Variants in C1orf141 observed in about 807,000 individuals in gnomAD.
C1orf141 encodes uncharacterized protein C1orf141.
In C1orf141, 19 loss-of-function variants were observed where a neutral mutation model predicts 23.2. The ratio of observed to expected loss-of-function variants is 0.82; its 90% CI spans 0.57 to 1.20. The LOEUF (loss-of-function observed/expected upper bound fraction) is 1.20. C1orf141 is among the 50% of genes most tolerant of loss of function. The probability of loss-of-function intolerance (pLI) is 0.00; values close to 1 mark genes in which losing one functional copy is unlikely to be tolerated. For synonymous variants in C1orf141, 153 were observed against 154.6 expected (o/e 0.99, Z 0.08); for missense variants, 469 against 455.1 (o/e 1.03, Z -0.28).
upstream of C1orf141, among the ~76,000 whole-genome samples, chr1:67,136,101 T>C (rs1036580289): frequency 2.0e-5 from 3 of 152,166 alleles, no homozygotes; most frequent in Non-Finnish European, 4.4e-5. Context: ...GGTGTGATCA[T>C]AGCCCACTGC....
rs189659233 is a variant in C1orf141, at chr1:67,096,278, A to T, written c.390T>A (p.Gly130=). Residue 130 remains glycine, a synonymous_variant, in exon 6 of 8, where the codon GGT becomes GGA. Transcript: ENST00000684719. ...TTTTATTTCTATCACCTTCTAAGAG[A>T]CCAACAGAATCCAATGGTTTCCTAG... ...KKPRKPLDSV[G]LLEGDRNKRK... 2.0e-6 allele frequency: 3 copies of T among 1,530,352 alleles called. No individual in the cohort carries two copies. Among genetic ancestry groups the T allele is most frequent in the Middle Eastern group, 1.7e-4 (1 of 5,866 alleles). 94.8% of individuals were successfully genotyped at this position (1,530,352 alleles called of 1,614,324 possible).
At chr1:67,098,688 G>A (rs938552701) in intron 5 of C1orf141, among the ~76,000 whole-genome samples, 3 of 152,056 alleles carry the variant, frequency 2.0e-5, no homozygotes, top group Admixed American at 2.0e-4. Context: ...ATTAGCATGC[G>A]TCATAGTTTA....
intron 1 of C1orf141, among the ~76,000 whole-genome samples, chr1:67,132,317 G>A (rs991682947): frequency 1.3e-5 from 2 of 151,934 alleles, no homozygotes; most frequent in Admixed American, 6.5e-5. Context: ...GTCAGGAGTC[G>A]AGACCTGCCT....
rs147580530 is a variant in C1orf141 at position 67,107,686 on chromosome 1, C to T, written c.346+7666G>A. Among the ~76,000 whole-genome samples, 963 of 152,180 alleles carry T rather than the reference C, an allele frequency of 6.3e-3. 6 individuals are homozygous for T. Among genetic ancestry groups the T allele is most frequent in the Non-Finnish European group, 9.1e-3 (619 of 67,994 alleles). ...AGTGGATCACCTGAGGTGGGGAGTT[C>T]GAGACCAGCCTGACCAACGTGGAGA... On this transcript the variant is annotated intron_variant, in intron 5 of 7. Transcript: ENST00000684719.
At chr1:67,098,263 A>G (rs1041697941) in intron 5 of C1orf141, among the ~76,000 whole-genome samples, 3 of 152,180 alleles carry the variant, frequency 2.0e-5, no homozygotes, top group Admixed American at 2.0e-4. Flanking sequence ...GCTCACACCT[A>G]TAATCCCAGC....
chr1:67,120,084 A>G (rs1055622650), intron 4 of C1orf141, among the ~76,000 whole-genome samples: 1 of 152,218 alleles, frequency 6.6e-6, no homozygotes, highest in African/African-American at 2.4e-5. Flanking sequence ...CAGAGCTTTG[A>G]ACCAAAGAGG....
intron 1 of C1orf141, among the ~76,000 whole-genome samples, chr1:67,134,560 C>T (rs938051625): frequency 3.9e-5 from 6 of 152,216 alleles, no homozygotes; most frequent in African/African-American, 1.4e-4. Flanking sequence ...CCCGAGTCAC[C>T]TTCCCCCAGG....
intron 6 of C1orf141, 66 bp downstream of exon 6, chr1:67,096,186 T>C (rs1645676140): frequency 2.6e-6 from 2 of 777,882 alleles, no homozygotes; most frequent in Admixed American, 2.9e-5. Flanking sequence ...CTGTCAATTA[T>C]AAAATGTGTC....
At chr1:67,111,512 A>C in intron 5 of C1orf141, 4 of 592,058 alleles carry the variant, frequency 6.8e-6, no homozygotes, top group Non-Finnish European at 1.1e-5. Flanking sequence ...AGGAGCATAT[A>C]TAAAATTATT....
upstream of C1orf141, among the ~76,000 whole-genome samples, chr1:67,137,272 T>G: frequency 6.6e-6 from 1 of 152,126 alleles, no homozygotes; most frequent in East Asian, 1.9e-4. Context: ...CAGGGAAAGG[T>G]TACAGATTAC....
chr1:67,113,782 G>A (rs781637148), intron 5 of C1orf141: 3 of 1,100,988 alleles, frequency 2.7e-6, no homozygotes, highest in African/African-American at 1.6e-5. Flanking sequence ...AAAGAAAATG[G>A]ATTAGAGATT....
intron 5 of C1orf141, among the ~76,000 whole-genome samples, chr1:67,104,200 A>T (rs1002657969): frequency 1.3e-5 from 2 of 152,142 alleles, no homozygotes; most frequent in African/African-American, 4.8e-5. Flanking sequence ...GGAAGAGTTT[A>T]AAAAGGGAGG....
intron 1 of C1orf141, among the ~76,000 whole-genome samples, chr1:67,134,253 C>T (rs1024080924): frequency 6.6e-6 from 1 of 152,228 alleles, no homozygotes; most frequent in Non-Finnish European, 1.5e-5. Context: ...ATCCGCCCGC[C>T]TTGGCCTCCC....
In C1orf141 at chr1:67,092,697, A is replaced by G. The variant is rs190436620; in HGVS notation, c.*308T>C. ...AACAGCGCATTTCCAGAGTCAGACT[A>G]TGCCTTTCTTGGTCCTGAATCAGAG... On this transcript the variant is annotated 3_prime_UTR_variant, in exon 8 of 8. Coordinates refer to ENST00000684719, the MANE Select transcript of C1orf141 (RefSeq NM_001276351.2). 1.2e-4 allele frequency: 19 copies of G among 158,604 alleles called. No individual in the cohort carries two copies. In the East Asian group the frequency reaches 2.5e-3, roughly 21 times the overall value. The allele number at this position is 158,604 out of a possible 1,614,324, so 9.8% of individuals were successfully genotyped here.
At chr1:67,124,668 C>G (rs1452226882) in intron 4 of C1orf141, among the ~76,000 whole-genome samples, 1 of 152,126 alleles carries the variant, frequency 6.6e-6, no homozygotes, top group East Asian at 1.9e-4. Context: ...AGTGTCATAG[C>G]TGCTGCCTGT....
intron 5 of C1orf141, among the ~76,000 whole-genome samples, chr1:67,099,102 G>A (rs958235042): frequency 2.0e-5 from 3 of 152,122 alleles, no homozygotes; most frequent in Non-Finnish European, 4.4e-5. Context: ...AATTCTAACT[G>A]ATAGAAGTGT....
chr1:67,110,322 A>G (rs1646040043), intron 5 of C1orf141, among the ~76,000 whole-genome samples: 1 of 152,132 alleles, frequency 6.6e-6, no homozygotes, highest in Non-Finnish European at 1.5e-5. Context: ...GCAAAAATTA[A>G]CAATAGAAGA....
rs550416179 is a variant in C1orf141 at position 67,103,358 on chromosome 1, C to T, written c.347-7037G>A. 1.4e-5 allele frequency: 20 copies of T among 1,414,862 alleles called. No homozygotes were observed. The African/African-American group carries it at 2.8e-4, about 20-fold the overall frequency. 87.6% of individuals were successfully genotyped at this position (1,414,862 alleles called of 1,614,324 possible). A position where few individuals can be genotyped will look rare whatever the true frequency, so the allele number is the denominator to read the frequency against. The stretch of plus-strand genomic sequence containing the variant: ...GCTTGTCTATGCTGTGAATATAGAA[C>T]ATTCAAAGGCCCTGCATTTTCCATC... On this transcript the variant is annotated intron_variant, in intron 5 of 7. Transcript: ENST00000684719.
rs145589687 is a variant in C1orf141 at position 67,103,250 on chromosome 1, TAG to T, written c.347-6931_347-6930del. ...GCAATTTGTATACCTGTAAATAAAGTAGAGTCTTTTTCCTTTTTATGAGCATT... is the reference window on the plus strand; with the variant it reads ...GCAATTTGTATACCTGTAAATAAAGTAGTCTTTTTCCTTTTTATGAGCATT... On this transcript the variant is annotated intron_variant, in intron 5 of 7. Coordinates refer to ENST00000684719, the MANE Select transcript of C1orf141 (RefSeq NM_001276351.2). 2,964 of 1,427,408 alleles carry T rather than the reference TAG, an allele frequency of 2.1e-3. 34 individuals carry two copies. In the African/African-American group the frequency reaches 0.035, roughly 17 times the overall value. 88.4% of individuals were successfully genotyped at this position (1,427,408 alleles called of 1,614,324 possible).
Sources: gnomAD v4.1 joint callset for allele counts (sites outside exome capture counted in the v4.1 genomes callset) on GRCh38, gnomAD v4.1.1 for gene constraint, MANE v1.5 for transcripts, NCBI Gene and HGNC (gene_info 2026-07-23, HGNC 2026-07-21) for gene names.